The following PNPLA5 variants were observed in gnomAD, a reference collection of about 807,000 sequenced individuals.
The protein encoded by PNPLA5 is patatin like domain 5, triacylglycerol lipase.
PNPLA5 carries 44 observed loss-of-function variants against 49.1 expected under a neutral mutation model. The ratio of observed to expected loss-of-function variants is 0.90; its 90% CI spans 0.70 to 1.15. The LOEUF is 1.15. PNPLA5 is among the 50% of genes most tolerant of loss of function. The pLI is 0.00. For missense variants in PNPLA5, 603 were observed against 564.0 expected, an observed-to-expected ratio of 1.07 and a Z score of -0.70; for synonymous variants, 243 against 244.4, an observed-to-expected ratio of 0.99 and a Z score of 0.06.
At chr22:43,889,762 G>A in intron 3 of PNPLA5, 37 bp downstream of exon 3, 1 of 1,602,226 alleles carries the variant, frequency 6.2e-7, no homozygotes, top group Non-Finnish European at 8.5e-7. Flanking sequence ...ACCCCAGGCT[G>A]CCCAGAGCAC....
chr22:43,889,933 G>T (rs745661154), intron 2 of PNPLA5, 69 bp from the exon 3 acceptor site: 1 of 1,572,840 alleles, frequency 6.4e-7, no homozygotes, highest in Non-Finnish European at 8.6e-7. Flanking sequence ...TCCTAGGCAC[G>T]GTTTCTAATC....
In PNPLA5 at chr22:43,887,160, C is replaced by G. The variant is rs375159106; in HGVS notation, c.763+431G>C. On this transcript the variant is annotated intron_variant, in intron 5 of 8. Coordinates refer to ENST00000216177, the MANE Select transcript of PNPLA5 (RefSeq NM_138814.4). ...TCTGTCCCTTCTCTCTTGTTTTTCC[C>G]TCTGCCTAGAATGCCCTCTTCTTTT... Among the ~76,000 whole-genome samples the G allele has an allele frequency of 3.0e-4, 45 of 152,250 alleles. 1 individual carries two copies. Among genetic ancestry groups the G allele is most frequent in the African/African-American group, 1.1e-3 (44 of 41,550 alleles).
At position 43,891,826 on chromosome 22, in the gene PNPLA5, A is replaced by G. The variant is rs1286242696; in HGVS notation, c.55T>C (p.Tyr19His). Residue 19 changes from tyrosine to histidine, a missense_variant, in exon 1 of 9, where the codon TAC becomes CAC. By Grantham distance (83) the Tyr-to-His change is moderately conservative. Coordinates refer to ENST00000216177, the MANE Select transcript of PNPLA5 (RefSeq NM_138814.4). ...RWNLSFSGAG[Y>H]LGAHHVGATE... ...GCGCCCACGTGGTGGGCGCCCAGGT[A>G]GCCGGCGCCGGAGAAGGACAGGTTC... 3.3e-6 allele frequency: 5 copies of G among 1,520,198 alleles called. No individual in the cohort carries two copies. The highest frequency in any genetic ancestry group is 4.9e-5 in the Admixed American group (2 of 40,832). The allele number at this position is 1,520,198 out of a possible 1,614,324, so 94.2% of individuals were successfully genotyped here. A position where few individuals can be genotyped will look rare whatever the true frequency, so the allele number is the denominator to read the frequency against.
rs143229207 is a variant in PNPLA5, at chr22:43,886,443, G to A, written c.809C>T (p.Pro270Leu). The change falls in exon 6 of 9, where the codon CCC (proline) becomes CTC (leucine). Residue 270 changes from proline (P) to leucine (L), a missense_variant. Coordinates refer to ENST00000216177, the MANE Select transcript of PNPLA5 (RefSeq NM_138814.4). The stretch of plus-strand genomic sequence containing the variant: ...CCAGTTTCCGTCAGCCGGGGCTGGG[G>A]GTTCCTTAGACACCAGCGTCCATAG... Reference protein sequence around the residue: ...PVLWTLVSKEPPAPADGNWDA... With the variant: ...PVLWTLVSKELPAPADGNWDA... 9.9e-6 allele frequency: 16 copies of A among 1,613,964 alleles called. No homozygotes were observed. The highest frequency in any genetic ancestry group is 5.0e-5 in the Admixed American group (3 of 59,998).
At chr22:43,886,054 C>T (rs1479312724) in intron 6 of PNPLA5, among the ~76,000 whole-genome samples, 3 of 152,160 alleles carry the variant, frequency 2.0e-5, no homozygotes, top group Admixed American at 6.5e-5. Flanking sequence ...TGAGTCCCTT[C>T]CTTTCTCTGA....
chr22:43,883,548 G>A lies in PNPLA5; in HGVS notation c.1082+665C>T, dbSNP rs892540966. On this transcript the variant is annotated intron_variant, in intron 7 of 8. Transcript: ENST00000216177. The stretch of plus-strand genomic sequence containing the variant: ...AAAGGAACCTGTAGCGGTGGCTCAT[G>A]CCTGTCATCCCAGCACTTTGGGAGG... Among the ~76,000 whole-genome samples the A allele has an allele frequency of 2.6e-5, 4 of 152,362 alleles. No homozygotes were observed. In the East Asian group the frequency reaches 5.8e-4, roughly 22 times the overall value.
chr22:43,889,825 G>T lies in PNPLA5; in HGVS notation c.466C>A (p.Leu156Met), dbSNP rs746129667. 2.5e-6 allele frequency: 4 copies of T among 1,613,300 alleles called. No individual in the cohort carries two copies. The highest frequency in any genetic ancestry group is 3.4e-6 in the Non-Finnish European group (4 of 1,179,786). The change falls in exon 3 of 9, where the codon CTG (leucine) becomes ATG (methionine). Residue 156 changes from leucine to methionine, a missense_variant. Physicochemically the swap from Leu to Met is conservative, Grantham distance 15. Transcript: ENST00000216177. ...TCCCCTCTGAACTCGGGGGGGATCA[G>T]CCCGCAGTAGAAAGGAAAGTATAAG... ...CTLYFPFYCG[L>M]IPPEFRGERY... is the part of the protein sequence containing the mutation.
In PNPLA5 at chr22:43,889,378, G is replaced by A. The variant is rs62621223; in HGVS notation, c.653C>T (p.Thr218Ile). Residue 218 changes from threonine to isoleucine, a missense_variant, in exon 4 of 9, where the codon ACT (threonine) becomes ATT (isoleucine). Transcript: ENST00000216177. Reference sequence around the variant, plus strand: ...TATGAGCCCCAGGAAGAAGTTCTCAGTGGAGATTTGGAAGCTGAAGTTGAA... The same window carrying A: ...TATGAGCCCCAGGAAGAAGTTCTCAATGGAGATTTGGAAGCTGAAGTTGAA... ...NVFNFSFQIS[T>I]ENFFLGLICL... 31,524 of 1,614,042 alleles carry A rather than the reference G, an allele frequency of 0.02. 437 individuals carry two copies. Among genetic ancestry groups the A allele is most frequent in the African/African-American group, 0.057 (4,258 of 75,002 alleles).
intron 7 of PNPLA5, among the ~76,000 whole-genome samples, chr22:43,883,192 G>A (rs769668223): frequency 3.9e-5 from 6 of 152,118 alleles, no homozygotes; most frequent in South Asian, 2.1e-4. Flanking sequence ...CATCTCCTCC[G>A]GGCAGCCTTC....
chr22:43,881,949 G>T (rs371204791), intron 7 of PNPLA5, among the ~76,000 whole-genome samples: 2 of 152,228 alleles, frequency 1.3e-5, no homozygotes, highest in African/African-American at 2.4e-5. Flanking sequence ...AGTAGGAAGC[G>T]CAGGGAGGGA....
intron 2 of PNPLA5, 38 bp downstream of exon 2, chr22:43,891,024 G>C (rs945705731): frequency 6.3e-7 from 1 of 1,581,616 alleles, no homozygotes; most frequent in Non-Finnish European, 8.6e-7. Flanking sequence ...GATGGAGCCC[G>C]CCCACCAGCC....
intron 1 of PNPLA5, 37 bp from the exon 2 acceptor site, chr22:43,891,331 C>T (rs1238514408): frequency 6.6e-7 from 1 of 1,525,540 alleles, no homozygotes; most frequent in Non-Finnish European, 8.7e-7. Flanking sequence ...CCTCAGCGCC[C>T]AGGGATCCTG....
chr22:43,884,060 A>G (rs1180875083), intron 7 of PNPLA5, among the ~76,000 whole-genome samples, 153 bp downstream of exon 7: 2 of 152,096 alleles, frequency 1.3e-5, no homozygotes, highest in Non-Finnish European at 2.9e-5. Context: ...GCTCTGAGTC[A>G]TGCAGTCAAC....
Position 43,891,577 on chromosome 22 carries a change from T to C in PNPLA5, c.193+111A>G, listed in dbSNP as rs1041359174. The stretch of plus-strand genomic sequence containing the variant: ...GTTCTCATGGGATTAAATGAGGCTG[T>C]GCCGGGGGTAGAGGGCGCAGAGCAC... On this transcript the variant is annotated intron_variant, in intron 1 of 8. Transcript: ENST00000216177. The C allele has an allele frequency of 1.1e-5, 15 of 1,369,268 alleles. No homozygotes were observed. The African/African-American group carries it at 2.1e-4, about 19-fold the overall frequency. 84.8% of individuals were successfully genotyped at this position (1,369,268 alleles called of 1,614,324 possible). A position where few individuals can be genotyped will look rare whatever the true frequency, so the allele number is the denominator to read the frequency against.
At chr22:43,891,396 C>A in intron 1 of PNPLA5, 102 bp from the exon 2 acceptor site, 1 of 1,432,994 alleles carries the variant, frequency 7.0e-7, no homozygotes, top group African/African-American at 1.4e-5. Flanking sequence ...CGGGGTCCTC[C>A]CCACTCCAGC....
chr22:43,884,535 T>A, intron 6 of PNPLA5, 190 bp from the exon 7 acceptor site: 1 of 388,620 alleles, frequency 2.6e-6, no homozygotes, highest in Non-Finnish European at 3.5e-6. Context: ...AGACAAGGGG[T>A]GTATGCCCTC....
At chr22:43,889,632 A>T (rs2049702115) in intron 3 of PNPLA5, 94 bp from the exon 4 acceptor site, 1 of 1,532,694 alleles carries the variant, frequency 6.5e-7, no homozygotes, top group Admixed American at 2.0e-5. Flanking sequence ...TCCCTGAGTC[A>T]CCAGGGCCAC....
chr22:43,886,290 G>A lies in PNPLA5; in HGVS notation c.949+13C>T, dbSNP rs778702442. The A allele has an allele frequency of 3.5e-5, 57 of 1,606,454 alleles. No individual in the cohort carries two copies. Among genetic ancestry groups the A allele is most frequent in the Non-Finnish European group, 4.3e-5 (51 of 1,175,842 alleles). ...GGCCCTGGTAGGTGAGCAAATGCAG[G>A]TAGAGTCCCTACCAGCCTCCAGCTC... On this transcript the variant is annotated intron_variant, in intron 6 of 8. Transcript: ENST00000216177.
chr22:43,889,683 G>T, intron 3 of PNPLA5, 116 bp downstream of exon 3: 1 of 1,513,410 alleles, frequency 6.6e-7, no homozygotes, highest in East Asian at 2.3e-5. Flanking sequence ...AGCAGGGGGA[G>T]GGCCTGGCAC....
Sources: gnomAD v4.1 joint callset for allele counts (sites outside exome capture counted in the v4.1 genomes callset) on GRCh38, gnomAD v4.1.1 for gene constraint, MANE v1.5 for transcripts, NCBI Gene and HGNC (gene_info 2026-07-23, HGNC 2026-07-21) for gene names.